Variants in SMYD3 observed in about 807,000 individuals in gnomAD.
SMYD3 encodes histone-lysine N-methyltransferase SMYD3.
SMYD3 carries 36 observed loss-of-function variants against 57.7 expected under a neutral mutation model. That is an observed-to-expected ratio of 0.62 (90% CI 0.48 to 0.82). SMYD3 has a LOEUF of 0.82. Ranked by LOEUF, SMYD3 falls within the 40% of genes least tolerant of loss-of-function variation. The pLI, the probability that SMYD3 is intolerant of heterozygous loss-of-function variation, is 0.00. For synonymous variants in SMYD3, 211 were observed against 195.0 expected, an observed-to-expected ratio of 1.08 and a Z score of -0.68; for missense variants, 515 against 538.8, an observed-to-expected ratio of 0.96 and a Z score of 0.44.
chr1:245,811,823 GTTATC>G (rs1333091340), intron 10 of SMYD3, among the ~76,000 whole-genome samples: 1 of 152,132 alleles, frequency 6.6e-6, no homozygotes, highest in Non-Finnish European at 1.5e-5. Flanking sequence ...TTCTTGAAAG[GTTATC>G]TTCATTTTAC....
chr1:246,393,674 TAAAAAAAAAAA>T (rs796510890), intron 1 of SMYD3, among the ~76,000 whole-genome samples: 1 of 92,426 alleles, frequency 1.1e-5, no homozygotes, highest in South Asian at 4.2e-4. Flanking sequence ...CCCCCATCTC[TAAAAAAAAAAA>T]AAAAAAAAAA....
intron 5 of SMYD3, among the ~76,000 whole-genome samples, chr1:246,072,423 G>T (rs190815862): frequency 1.3e-5 from 2 of 152,130 alleles, no homozygotes; most frequent in East Asian, 3.9e-4. Context: ...TCTGGGGAGG[G>T]ATTCGTGTGC....
chr1:246,047,936 C>T (rs1456090712), intron 5 of SMYD3, among the ~76,000 whole-genome samples: 2 of 151,888 alleles, frequency 1.3e-5, no homozygotes, highest in Admixed American at 6.6e-5. Flanking sequence ...TTAAAAAAAC[C>T]TACATAGTCA....
rs114350474 is a variant in SMYD3, at chr1:246,494,328, A to G, written c.164+12726T>C. 5.4e-3 allele frequency among the ~76,000 whole-genome samples: 820 copies of G among 152,336 alleles called. 9 individuals are homozygous for G. The highest frequency in any genetic ancestry group is 0.018 in the African/African-American group (740 of 41,582). ...AATTAGTTATTCCTCCATAGTTGTT[A>G]TCTCTACCACTTATTTCACTGGTAT... On this transcript the variant is annotated intron_variant, in intron 1 of 11. Coordinates refer to ENST00000490107, the MANE Select transcript of SMYD3 (RefSeq NM_001167740.2).
chr1:245,864,547 C>T (rs35183884), intron 8 of SMYD3, among the ~76,000 whole-genome samples: 15 of 152,008 alleles, frequency 9.9e-5, no homozygotes, highest in Admixed American at 2.6e-4. Context: ...ATGGATATGA[C>T]ATGCCCAGAA....
intron 5 of SMYD3, among the ~76,000 whole-genome samples, chr1:246,157,544 G>T (rs1273924072): frequency 6.6e-6 from 1 of 152,048 alleles, no homozygotes; most frequent in African/African-American, 2.4e-5. Context: ...GATGCAAAAG[G>T]CCTAATTCAA....
chr1:246,381,763 T>C (rs896497974), intron 1 of SMYD3, among the ~76,000 whole-genome samples: 1 of 152,220 alleles, frequency 6.6e-6, no homozygotes, highest in Non-Finnish European at 1.5e-5. Flanking sequence ...TTGACACTTT[T>C]AGAAGAAAAT....
intron 5 of SMYD3, among the ~76,000 whole-genome samples, chr1:246,050,223 G>A (rs1285705916): frequency 6.6e-6 from 1 of 152,182 alleles, no homozygotes; most frequent in Admixed American, 6.5e-5. Context: ...AAACACTGAA[G>A]TAGTAGTGCC....
At chr1:246,003,116 A>G (rs1160130626) in intron 5 of SMYD3, among the ~76,000 whole-genome samples, 4 of 152,232 alleles carry the variant, frequency 2.6e-5, no homozygotes, top group Non-Finnish European at 4.4e-5. Context: ...GAAGAGGCGG[A>G]GGGAAAGACG....
intron 5 of SMYD3, among the ~76,000 whole-genome samples, chr1:246,091,257 G>A (rs1362131826): frequency 1.3e-5 from 2 of 152,134 alleles, no homozygotes; most frequent in African/African-American, 4.8e-5. Flanking sequence ...AAGAGGTTCT[G>A]GAGCAACTGA....
chr1:246,345,512 C>G (rs1395393380), intron 2 of SMYD3, among the ~76,000 whole-genome samples: 1 of 152,156 alleles, frequency 6.6e-6, no homozygotes, highest in Non-Finnish European at 1.5e-5. Flanking sequence ...GCTGAACCAT[C>G]CCAAACCTAA....
Position 246,456,813 on chromosome 1 carries a change from A to G in SMYD3, c.164+50241T>C, listed in dbSNP as rs529125906. Among the ~76,000 whole-genome samples the G allele has an allele frequency of 7.9e-5, 12 of 152,286 alleles. No individual in the cohort carries two copies. The East Asian group carries it at 2.1e-3, about 27-fold the overall frequency. The stretch of plus-strand genomic sequence containing the variant: ...AGGTTGGAAAACTGGAGACATGGCT[A>G]AGGTATCATTAAGCAGGCAGACACA... On this transcript the variant is annotated intron_variant, in intron 1 of 11. Coordinates refer to ENST00000490107, the MANE Select transcript of SMYD3 (RefSeq NM_001167740.2).
chr1:246,413,597 C>A (rs917566907), intron 1 of SMYD3, among the ~76,000 whole-genome samples: 7 of 152,036 alleles, frequency 4.6e-5, no homozygotes, highest in African/African-American at 1.7e-4. Flanking sequence ...TCTCTCGTGG[C>A]CCAGTGCTGT....
chr1:245,906,095 T>C (rs1186366237), intron 8 of SMYD3, among the ~76,000 whole-genome samples: 1 of 152,216 alleles, frequency 6.6e-6, no homozygotes, highest in African/African-American at 2.4e-5. Context: ...AAAGATATTT[T>C]GAGCAATACC....
At chr1:245,871,499 G>A (rs2052189929) in intron 8 of SMYD3, among the ~76,000 whole-genome samples, 1 of 152,146 alleles carries the variant, frequency 6.6e-6, no homozygotes, top group Non-Finnish European at 1.5e-5. Flanking sequence ...TATAGGCTGG[G>A]GAATAAGGAA....
intron 8 of SMYD3, among the ~76,000 whole-genome samples, chr1:245,902,515 T>A (rs1045388744): frequency 6.6e-6 from 1 of 152,148 alleles, no homozygotes; most frequent in Admixed American, 6.5e-5. Context: ...TCAACCCATC[T>A]CCAGTGGTGC....
chr1:246,379,681 A>C (rs965367839), intron 1 of SMYD3, among the ~76,000 whole-genome samples: 6 of 152,202 alleles, frequency 3.9e-5, no homozygotes, highest in African/African-American at 1.4e-4. Flanking sequence ...TTTCTGGAAA[A>C]ATCATTAATC....
At chr1:246,447,643 A>T (rs555030605) in intron 1 of SMYD3, among the ~76,000 whole-genome samples, 1 of 152,332 alleles carries the variant, frequency 6.6e-6, no homozygotes, top group South Asian at 2.1e-4. Context: ...AAGTATCCAC[A>T]TAAGGAGAGC....
chr1:246,160,193 G>T (rs2062092559), intron 5 of SMYD3, among the ~76,000 whole-genome samples: 2 of 152,168 alleles, frequency 1.3e-5, no homozygotes, highest in East Asian at 1.9e-4. Context: ...ATCCATTCCG[G>T]TTATTACCTA....
Sources: gnomAD v4.1 joint callset for allele counts (sites outside exome capture counted in the v4.1 genomes callset) on GRCh38, gnomAD v4.1.1 for gene constraint, MANE v1.5 for transcripts, NCBI Gene and HGNC (gene_info 2026-07-23, HGNC 2026-07-21) for gene names.